The following TPRG1 variants were observed in gnomAD, a reference collection of about 807,000 sequenced individuals.
The protein encoded by TPRG1 is tumor protein p63 regulated 1.
Under a neutral mutation model 29.3 loss-of-function variants are expected in TPRG1, and 29 were observed. The ratio of observed to expected loss-of-function variants is 0.99; its 90% CI spans 0.74 to 1.35. The LOEUF (loss-of-function observed/expected upper bound fraction) is 1.35. Ranked by LOEUF, TPRG1 falls within the 40% of genes most tolerant of loss-of-function variation. The pLI, the probability that TPRG1 is intolerant of heterozygous loss-of-function variation, is 0.00. For synonymous variants in TPRG1, 130 were observed against 116.8 expected (o/e 1.11, Z -0.73); for missense variants, 327 against 335.0 (o/e 0.98, Z 0.19).
chr3:189,185,505 C>T (rs556584588), intron 1 of TPRG1, among the ~76,000 whole-genome samples: 27 of 152,120 alleles, frequency 1.8e-4, no homozygotes, highest in Non-Finnish European at 2.6e-4. Flanking sequence ...GGATTACTGA[C>T]GTAAGCCACT....
At chr3:189,223,876 ATATT>A (rs1458839529) in intron 3 of TPRG1, among the ~76,000 whole-genome samples, 2 of 152,100 alleles carry the variant, frequency 1.3e-5, no homozygotes, top group Admixed American at 6.5e-5. Flanking sequence ...ATTAGTAGTA[ATATT>A]TATTTATATT....
intron 1 of TPRG1, among the ~76,000 whole-genome samples, chr3:189,184,165 C>A (rs2108710254): frequency 6.6e-6 from 1 of 152,280 alleles, no homozygotes; most frequent in Non-Finnish European, 1.5e-5. Context: ...AGAGCTCTAT[C>A]AGTTACTAAC....
chr3:189,013,287 A>T (rs1712701089), intron 3 of TPRG1, among the ~76,000 whole-genome samples: 1 of 152,160 alleles, frequency 6.6e-6, no homozygotes, highest in Admixed American at 6.6e-5. Context: ...CCCTAAATTC[A>T]TTCAGGAGCA....
intron 4 of TPRG1, among the ~76,000 whole-genome samples, chr3:189,038,691 C>A (rs1714439448): frequency 6.6e-6 from 1 of 150,618 alleles, no homozygotes. Flanking sequence ...AGATGGGAGA[C>A]AGACTGGGGG....
intron 1 of TPRG1, among the ~76,000 whole-genome samples, chr3:189,111,541 T>G (rs1720526684): frequency 6.6e-6 from 1 of 152,130 alleles, no homozygotes; most frequent in African/African-American, 2.4e-5. Flanking sequence ...ACCATCATAA[T>G]ATAAACAAAT....
At chr3:189,150,162 CT>C (rs1725747076) in intron 4 of TPRG1, among the ~76,000 whole-genome samples, 1 of 152,080 alleles carries the variant, frequency 6.6e-6, no homozygotes, top group Non-Finnish European at 1.5e-5. Context: ...GTGGAAGTGA[CT>C]TGGTGAACTT....
At chr3:189,109,354 C>T (rs563516109) in intron 1 of TPRG1, among the ~76,000 whole-genome samples, 10 of 152,198 alleles carry the variant, frequency 6.6e-5, no homozygotes, top group Non-Finnish European at 1.5e-4. Context: ...GACGTGGAAA[C>T]AATGGGAGTT....
Position 189,195,920 on chromosome 3 carries a change from C to T in TPRG1, c.-9-11456C>T, listed in dbSNP as rs558995195. 2.6e-5 allele frequency among the ~76,000 whole-genome samples: 4 copies of T among 152,256 alleles called. No homozygotes were observed. In the South Asian group the frequency reaches 8.3e-4, roughly 32 times the overall value. ...TCCCCTGATGTACTTTGGTGCCCTT[C>T]CTTGGTTATTTTCATTAAAATGTAG... On this transcript the variant is annotated intron_variant, in intron 1 of 5. Transcript: ENST00000345063.
intron 4 of TPRG1, among the ~76,000 whole-genome samples, chr3:189,300,031 T>C: frequency 6.6e-6 from 1 of 152,212 alleles, no homozygotes; most frequent in African/African-American, 2.4e-5. Context: ...GAGAGCAGAT[T>C]AATTTAGGTG....
chr3:189,196,183 A>G (rs1732502944), intron 1 of TPRG1, among the ~76,000 whole-genome samples: 1 of 152,160 alleles, frequency 6.6e-6, no homozygotes. Flanking sequence ...CCATCTGAGG[A>G]TCTAATTTCT....
intron 4 of TPRG1, among the ~76,000 whole-genome samples, chr3:189,074,456 C>A (rs1193219614): frequency 6.6e-6 from 1 of 151,950 alleles, no homozygotes; most frequent in Non-Finnish European, 1.5e-5. Context: ...CTGCCCGCGT[C>A]GGCCTCCCAA....
chr3:189,267,850 T>G (rs1325481136), intron 4 of TPRG1: 3 of 152,230 alleles, frequency 2.0e-5, no homozygotes, highest in African/African-American at 4.8e-5. Flanking sequence ...GGCACATTGC[T>G]GTATGTGAAT....
chr3:189,264,349 G>A (rs1462703830), intron 4 of TPRG1, among the ~76,000 whole-genome samples: 1 of 152,162 alleles, frequency 6.6e-6, no homozygotes, highest in Non-Finnish European at 1.5e-5. Flanking sequence ...TTTACTATTT[G>A]TACATGTATT....
intron 1 of TPRG1, among the ~76,000 whole-genome samples, chr3:189,174,336 C>T (rs1043018542): frequency 2.6e-5 from 4 of 152,154 alleles, no homozygotes; most frequent in Admixed American, 1.3e-4. Context: ...TCAGGAAGAT[C>T]AGGAGATCTG....
At chr3:189,246,720 A>G (rs144564347) in intron 4 of TPRG1, among the ~76,000 whole-genome samples, 3 of 152,086 alleles carry the variant, frequency 2.0e-5, no homozygotes, top group African/African-American at 7.2e-5. Flanking sequence ...AAATACTTTT[A>G]TTTAGTCTTA....
At chr3:189,198,521 C>G (rs948053994) in intron 1 of TPRG1, among the ~76,000 whole-genome samples, 1 of 152,238 alleles carries the variant, frequency 6.6e-6, no homozygotes, top group Non-Finnish European at 1.5e-5. Context: ...GGTCCACAAA[C>G]ATTTACTGAG....
intron 4 of TPRG1, among the ~76,000 whole-genome samples, chr3:189,283,792 G>A (rs550295976): frequency 3.6e-4 from 55 of 152,288 alleles, no homozygotes; most frequent in Admixed American, 7.9e-4. Context: ...TCAGAAAAAC[G>A]TGAGGCACGA....
intron 4 of TPRG1, among the ~76,000 whole-genome samples, chr3:189,278,231 A>G (rs529698379): frequency 1.4e-4 from 22 of 152,296 alleles, no homozygotes; most frequent in African/African-American, 5.3e-4. Context: ...TCTCAGGAGC[A>G]GTGAAGGGCC....
intron 4 of TPRG1, among the ~76,000 whole-genome samples, chr3:189,052,820 G>A (rs756950401): frequency 2.0e-5 from 3 of 152,130 alleles, no homozygotes; most frequent in Admixed American, 1.3e-4. Flanking sequence ...TATTCTAAGC[G>A]AAGTAACTCA....
Sources: gnomAD v4.1 joint callset for allele counts (sites outside exome capture counted in the v4.1 genomes callset) on GRCh38, gnomAD v4.1.1 for gene constraint, MANE v1.5 for transcripts, NCBI Gene and HGNC (gene_info 2026-07-23, HGNC 2026-07-21) for gene names.